Variants in LOXL2 observed in about 807,000 individuals in gnomAD.
LOXL2 encodes the protein lysyl oxidase homolog 2.
A neutral mutation model predicts 93.0 loss-of-function variants in LOXL2; 70 were observed. That is an observed-to-expected ratio of 0.75 (90% CI 0.62 to 0.92). The LOEUF is 0.92. Ranked by LOEUF, LOXL2 falls within the 40% of genes least tolerant of loss-of-function variation. The pLI is 0.00. For synonymous variants in LOXL2, 438 were observed against 413.2 expected (o/e 1.06, Z -0.73); for missense variants, 973 against 1,054.9 (o/e 0.92, Z 1.08).
intron 13 of LOXL2, 111 bp from the exon 14 acceptor site, chr8:23,298,233 CCCT>C: frequency 2.7e-6 from 2 of 737,038 alleles, no homozygotes; most frequent in Non-Finnish European, 4.8e-6. Flanking sequence ...CCTGTGTGTG[CCCT>C]CCTCAAAAGG....
intron 1 of LOXL2, among the ~76,000 whole-genome samples, chr8:23,369,117 T>G (rs1438467433): frequency 6.6e-6 from 1 of 152,056 alleles, no homozygotes; most frequent in Admixed American, 6.6e-5. Flanking sequence ...GGGCAGGATG[T>G]TCAACACACC....
chr8:23,381,057 G>A (rs1804675110), intron 1 of LOXL2, among the ~76,000 whole-genome samples: 1 of 149,476 alleles, frequency 6.7e-6, no homozygotes, highest in Middle Eastern at 3.2e-3. Flanking sequence ...TGGGGGGCGG[G>A]TAACCATGAT....
At chr8:23,327,003 C>T (rs2117164624) in intron 6 of LOXL2, among the ~76,000 whole-genome samples, 1 of 152,350 alleles carries the variant, frequency 6.6e-6, no homozygotes, top group Non-Finnish European at 1.5e-5. Flanking sequence ...GGCTTTCAGT[C>T]TTTCTCTGCC....
chr8:23,361,408 T>C (rs1458973437), intron 2 of LOXL2, among the ~76,000 whole-genome samples: 1 of 152,178 alleles, frequency 6.6e-6, no homozygotes, highest in Non-Finnish European at 1.5e-5. Flanking sequence ...CCTCATCATG[T>C]TTCAGAAGGC....
intron 3 of LOXL2, among the ~76,000 whole-genome samples, chr8:23,357,027 C>T (rs564714651): frequency 1.4e-4 from 21 of 152,192 alleles, no homozygotes; most frequent in Admixed American, 3.9e-4. Flanking sequence ...AATCTCAGCC[C>T]TTCCACAGTA....
intron 3 of LOXL2, chr8:23,341,559 G>A (rs1400376713): frequency 2.9e-6 from 1 of 344,496 alleles, no homozygotes; most frequent in African/African-American, 2.1e-5. Flanking sequence ...TAAATGCACA[G>A]GAGAGAAAGT....
rs9792327 is a variant in LOXL2, at chr8:23,327,618, C to T, written c.1150+764G>A. Among the ~76,000 whole-genome samples, 1,296 of 152,184 alleles carry T rather than the reference C, an allele frequency of 8.5e-3. 82 individuals carry two copies. The East Asian group carries it at 0.16, about 19-fold the overall frequency. On this transcript the variant is annotated intron_variant, in intron 6 of 13. Coordinates refer to ENST00000389131, the MANE Select transcript of LOXL2 (RefSeq NM_002318.3). ...TCCCTCACTCAAGTCACAGTTGTCT[C>T]GGGGAAGACTGGGCACTCCTAGACC...
At chr8:23,319,760 A>G (rs925477825) in intron 8 of LOXL2, 125 bp downstream of exon 8, 8 of 1,076,598 alleles carry the variant, frequency 7.4e-6, no homozygotes, top group Non-Finnish European at 1.1e-5. Flanking sequence ...CTCTGGGTCC[A>G]GGGCAACTTG....
At chr8:23,347,503 C>CA (rs1309922908) in intron 3 of LOXL2, among the ~76,000 whole-genome samples, 20 of 150,770 alleles carry the variant, frequency 1.3e-4, no homozygotes, top group Admixed American at 4.0e-4. Context: ...ACTAAAAATA[C>CA]AAAAAAAAAT....
At chr8:23,365,624 G>A (rs1804387499) in intron 2 of LOXL2, 1 of 151,206 alleles carries the variant, frequency 6.6e-6, no homozygotes, top group African/African-American at 2.4e-5. Flanking sequence ...CAGTACTCCT[G>A]GTCTCTTCGT....
At chr8:23,340,495 G>A (rs1032033407) in intron 4 of LOXL2, among the ~76,000 whole-genome samples, 1 of 152,170 alleles carries the variant, frequency 6.6e-6, no homozygotes, top group African/African-American at 2.4e-5. Context: ...GATTTAACTG[G>A]GATTGGATGA....
chr8:23,334,872 T>A (rs1338729705), intron 4 of LOXL2, among the ~76,000 whole-genome samples: 2 of 151,350 alleles, frequency 1.3e-5, no homozygotes, highest in African/African-American at 4.9e-5. Context: ...GCTGGAGTGC[T>A]TTGGCGCGAT....
At chr8:23,352,412 G>A (rs905056672) in intron 3 of LOXL2, among the ~76,000 whole-genome samples, 1 of 152,106 alleles carries the variant, frequency 6.6e-6, no homozygotes, top group African/African-American at 2.4e-5. Context: ...GTGAAAATAG[G>A]CCCCCTTTTT....
At chr8:23,312,392 A>T (rs1250322577) in intron 9 of LOXL2, among the ~76,000 whole-genome samples, 2 of 139,642 alleles carry the variant, frequency 1.4e-5, no homozygotes, top group Non-Finnish European at 3.1e-5. Context: ...TTGATGCAAA[A>T]ATCCTCAATA....
chr8:23,333,388 G>T lies in LOXL2; in HGVS notation c.966+13C>A. The T allele has an allele frequency of 1.2e-6, 2 of 1,612,600 alleles. No homozygotes were observed. Among genetic ancestry groups the T allele is most frequent in the Non-Finnish European group, 1.7e-6 (2 of 1,179,136 alleles). On this transcript the variant is annotated intron_variant, in intron 5 of 13. Transcript: ENST00000389131. ...CAGGTGCCAAGTGGCCACACCTCGT[G>T]CCCCGTCCTCACCTCTGGCTTGTAC... is the stretch of plus-strand genomic sequence containing the variant.
intron 7 of LOXL2, among the ~76,000 whole-genome samples, chr8:23,320,476 C>T (rs1279490196): frequency 1.3e-5 from 2 of 152,200 alleles, no homozygotes; most frequent in Non-Finnish European, 2.9e-5. Context: ...CCATGGCTCT[C>T]CTGCTGGTCT....
chr8:23,373,786 G>C (rs1804541043), intron 1 of LOXL2, among the ~76,000 whole-genome samples: 1 of 152,042 alleles, frequency 6.6e-6, no homozygotes, highest in African/African-American at 2.4e-5. Flanking sequence ...GGTGGTGGCA[G>C]GCTGACCTGG....
intron 1 of LOXL2, among the ~76,000 whole-genome samples, chr8:23,393,708 TA>T (rs899885473): frequency 1.8e-4 from 27 of 151,866 alleles, no homozygotes; most frequent in African/African-American, 6.5e-4. Flanking sequence ...TTTATCAAAA[TA>T]AAAAAACTTC....
chr8:23,314,529 AAACTATCGCAAG>A (rs1198151306), intron 9 of LOXL2, among the ~76,000 whole-genome samples: 1 of 136,354 alleles, frequency 7.3e-6, no homozygotes, highest in African/African-American at 2.7e-5. Context: ...CATTCTCAGT[AAACTATCGCAAG>A]AACAAAAAAC....
Sources: gnomAD v4.1 joint callset for allele counts (sites outside exome capture counted in the v4.1 genomes callset) on GRCh38, gnomAD v4.1.1 for gene constraint, MANE v1.5 for transcripts, NCBI Gene and HGNC (gene_info 2026-07-23, HGNC 2026-07-21) for gene names.